The following ELOVL5 variants were observed in gnomAD, a reference collection of about 807,000 sequenced individuals.
ELOVL5 encodes very long chain fatty acid elongase 5.
Under a neutral mutation model 38.6 loss-of-function variants are expected in ELOVL5, and 8 were observed. That is an observed-to-expected ratio of 0.21 (90% CI 0.12 to 0.37). The LOEUF is 0.37. ELOVL5 is among the 10% of genes least tolerant of loss of function. The probability of loss-of-function intolerance (pLI) is 1.00; values close to 1 mark genes in which losing one functional copy is unlikely to be tolerated. For synonymous variants in ELOVL5, 127 were observed against 133.7 expected, an observed-to-expected ratio of 0.95 and a Z score of 0.34; for missense variants, 280 against 367.8, an observed-to-expected ratio of 0.76 and a Z score of 1.95.
At chr6:53,297,477 C>T (rs1767052486) in intron 1 of ELOVL5, among the ~76,000 whole-genome samples, 1 of 152,184 alleles carries the variant, frequency 6.6e-6, no homozygotes, top group Non-Finnish European at 1.5e-5. Flanking sequence ...TGGGAATCAT[C>T]TCTTTGTCCA....
At chr6:53,283,047 A>G (rs973085604) in intron 3 of ELOVL5, among the ~76,000 whole-genome samples, 2 of 152,226 alleles carry the variant, frequency 1.3e-5, no homozygotes, top group African/African-American at 4.8e-5. Context: ...CATCTTTCCA[A>G]TAAAAAAGCA....
chr6:53,288,109 C>T (rs1561868808), intron 3 of ELOVL5, among the ~76,000 whole-genome samples: 1 of 152,162 alleles, frequency 6.6e-6, no homozygotes, highest in African/African-American at 2.4e-5. Context: ...GCTTTGATAG[C>T]TCACTGGATG....
intron 1 of ELOVL5, among the ~76,000 whole-genome samples, chr6:53,316,765 T>C (rs1296992978): frequency 2.1e-5 from 3 of 145,404 alleles, no homozygotes; most frequent in African/African-American, 7.7e-5. Flanking sequence ...ATGTAGTGAG[T>C]GAGGAAGCAT....
chr6:53,305,584 G>A (rs1471238753), intron 1 of ELOVL5, among the ~76,000 whole-genome samples: 7 of 149,010 alleles, frequency 4.7e-5, no homozygotes, highest in Non-Finnish European at 8.9e-5. Context: ...GGGCCGAGGC[G>A]CTCCCCACAT....
At chr6:53,336,110 TATAATA>T (rs746963782) in intron 1 of ELOVL5, among the ~76,000 whole-genome samples, 3 of 152,236 alleles carry the variant, frequency 2.0e-5, no homozygotes, top group Non-Finnish European at 4.4e-5. Context: ...ATACCCGTAG[TATAATA>T]ATAAACTACC....
intron 3 of ELOVL5, among the ~76,000 whole-genome samples, chr6:53,283,663 A>C (rs965002386): frequency 6.6e-6 from 1 of 152,222 alleles, no homozygotes; most frequent in African/African-American, 2.4e-5. Flanking sequence ...GATTAAAAAC[A>C]AATGAAGGAA....
intron 1 of ELOVL5, 33 bp from the exon 2 acceptor site, chr6:53,295,740 C>A: frequency 7.5e-7 from 1 of 1,328,830 alleles, no homozygotes; most frequent in Non-Finnish European, 1.0e-6. Context: ...TGATTAATCT[C>A]TACTCAAAAT....
At chr6:53,278,857 C>T (rs183533402) in intron 3 of ELOVL5, among the ~76,000 whole-genome samples, 1 of 152,152 alleles carries the variant, frequency 6.6e-6, no homozygotes, top group African/African-American at 2.4e-5. Context: ...TATTTAAAAC[C>T]CTCCAGTGAG....
chr6:53,329,928 GATTTT>G (rs1441123671), intron 1 of ELOVL5, among the ~76,000 whole-genome samples: 3 of 152,166 alleles, frequency 2.0e-5, no homozygotes, highest in African/African-American at 7.2e-5. Flanking sequence ...TCTTCTGTAC[GATTTT>G]ATTTCTAAAA....
intron 1 of ELOVL5, among the ~76,000 whole-genome samples, chr6:53,301,361 G>A (rs1303291109): frequency 6.6e-6 from 1 of 152,144 alleles, no homozygotes; most frequent in Non-Finnish European, 1.5e-5. Context: ...ACCAAGCCCA[G>A]GCACTAGGCT....
chr6:53,285,894 T>C (rs13204132), intron 3 of ELOVL5, among the ~76,000 whole-genome samples: 55,007 of 151,828 alleles, frequency 0.36, 11,025 homozygotes, highest in African/African-American at 0.55. Flanking sequence ...ATGTACACCA[T>C]TGTGCCTGGC....
chr6:53,326,571 C>T (rs1425298393), intron 1 of ELOVL5, among the ~76,000 whole-genome samples: 1 of 152,232 alleles, frequency 6.6e-6, no homozygotes, highest in African/African-American at 2.4e-5. Flanking sequence ...CACTTCCCCT[C>T]TATCTGTGCA....
intron 1 of ELOVL5, among the ~76,000 whole-genome samples, chr6:53,320,936 G>C (rs1382566195): frequency 6.6e-6 from 1 of 152,066 alleles, no homozygotes; most frequent in Non-Finnish European, 1.5e-5. Flanking sequence ...CTACTGTCTT[G>C]CAGTAAGGTG....
intron 1 of ELOVL5, among the ~76,000 whole-genome samples, chr6:53,309,920 G>T (rs1767760619): frequency 6.6e-6 from 1 of 152,206 alleles, no homozygotes; most frequent in African/African-American, 2.4e-5. Context: ...GGTAGGCCTT[G>T]CTGGGACTTC....
chr6:53,304,977 G>C (rs1477783214), intron 1 of ELOVL5, among the ~76,000 whole-genome samples: 1 of 151,948 alleles, frequency 6.6e-6, no homozygotes, highest in East Asian at 1.9e-4. Flanking sequence ...GGGCAGAGGG[G>C]CTCCTCACTT....
chr6:53,337,915 G>T (rs1769146303), intron 1 of ELOVL5, among the ~76,000 whole-genome samples: 1 of 152,214 alleles, frequency 6.6e-6, no homozygotes, highest in Admixed American at 6.5e-5. Context: ...TAAAAGCATG[G>T]TTGATGAGAG....
At chr6:53,318,856 ATATC>A (rs150262513) in intron 1 of ELOVL5, among the ~76,000 whole-genome samples, 3,186 of 152,352 alleles carry the variant, frequency 0.021, 125 homozygotes, top group African/African-American at 0.073. Flanking sequence ...TTAACCCAAT[ATATC>A]TAAAATATTA....
chr6:53,305,382 C>G (rs1296673410), intron 1 of ELOVL5, among the ~76,000 whole-genome samples: 1 of 40,886 alleles, frequency 2.4e-5, no homozygotes, highest in East Asian at 5.2e-4. Context: ...GGGGGCTGAC[C>G]CCCCCCCACC....
chr6:53,322,240 A>T (rs140342789), intron 1 of ELOVL5, among the ~76,000 whole-genome samples: 1 of 152,334 alleles, frequency 6.6e-6, no homozygotes, highest in African/African-American at 2.4e-5. Flanking sequence ...TTCTGGTGAG[A>T]GAGGCACAAA....
Sources: gnomAD v4.1 joint callset for allele counts (sites outside exome capture counted in the v4.1 genomes callset) on GRCh38, gnomAD v4.1.1 for gene constraint, MANE v1.5 for transcripts, NCBI Gene and HGNC (gene_info 2026-07-23, HGNC 2026-07-21) for gene names.